Variants in CDH12 observed in about 807,000 individuals in gnomAD.
CDH12 encodes cadherin-12.
CDH12 carries 41 observed loss-of-function variants against 74.1 expected under a neutral mutation model. That is an observed-to-expected ratio of 0.55 (90% CI 0.43 to 0.72). The LOEUF is 0.72. CDH12 is among the 30% of genes least tolerant of loss of function. The pLI is 0.00. For missense variants in CDH12, 945 were observed against 977.2 expected (o/e 0.97, Z 0.44); for synonymous variants, 399 against 355.0 (o/e 1.12, Z -1.39).
chr5:22,230,429 C>T (rs369874204), intron 3 of CDH12, among the ~76,000 whole-genome samples: 2 of 149,590 alleles, frequency 1.3e-5, no homozygotes, highest in East Asian at 3.9e-4. Flanking sequence ...TCAAACGAGT[C>T]TTTGTTTTGT....
intron 6 of CDH12, among the ~76,000 whole-genome samples, chr5:21,952,039 A>C (rs1460359439): frequency 6.6e-6 from 1 of 152,192 alleles, no homozygotes; most frequent in Admixed American, 6.5e-5. Flanking sequence ...TTTCATTATT[A>C]TTATTCTACT....
At chr5:21,934,255 CATGAATAGTTCAGCA>C (rs1754974150) in intron 6 of CDH12, among the ~76,000 whole-genome samples, 1 of 152,160 alleles carries the variant, frequency 6.6e-6, no homozygotes, top group East Asian at 1.9e-4. Flanking sequence ...GCAGAGTTTT[CATGAATAGTTCAGCA>C]CCATCCCCCT....
intron 1 of CDH12, among the ~76,000 whole-genome samples, chr5:22,767,624 T>G (rs570530577): frequency 6.6e-6 from 1 of 152,074 alleles, no homozygotes; most frequent in South Asian, 2.1e-4. Flanking sequence ...ATTTATGGAT[T>G]TTTAATGTAG....
chr5:22,729,345 C>T (rs760508657), intron 1 of CDH12, among the ~76,000 whole-genome samples: 17 of 151,840 alleles, frequency 1.1e-4, no homozygotes, highest in Non-Finnish European at 2.4e-4. Context: ...ATGAATCCCT[C>T]TTCATGCTTC....
chr5:21,782,106 A>G (rs1745949268), intron 11 of CDH12, among the ~76,000 whole-genome samples: 1 of 152,164 alleles, frequency 6.6e-6, no homozygotes, highest in African/African-American at 2.4e-5. Context: ...TAGAAGCTCA[A>G]AGACAGCATC....
intron 2 of CDH12, among the ~76,000 whole-genome samples, chr5:22,494,279 G>A (rs1580705534): frequency 3.3e-5 from 5 of 152,146 alleles, no homozygotes; most frequent in Admixed American, 3.3e-4. Flanking sequence ...CCAAAGCTGT[G>A]CACATTAGGT....
At chr5:22,702,661 G>A (rs1289194518) in intron 1 of CDH12, among the ~76,000 whole-genome samples, 1 of 151,936 alleles carries the variant, frequency 6.6e-6, no homozygotes, top group Non-Finnish European at 1.5e-5. Context: ...GCTCGGTCAT[G>A]TCTTCCCATC....
intron 6 of CDH12, among the ~76,000 whole-genome samples, chr5:21,888,975 T>C (rs528274781): frequency 2.0e-5 from 3 of 152,154 alleles, no homozygotes; most frequent in Non-Finnish European, 4.4e-5. Flanking sequence ...AAATAAGCTG[T>C]CATGTTGCTG....
chr5:22,021,869 GCT>G (rs1738005432), intron 5 of CDH12, among the ~76,000 whole-genome samples: 1 of 152,184 alleles, frequency 6.6e-6, no homozygotes, highest in East Asian at 1.9e-4. Context: ...ACTAAGGCTT[GCT>G]CTGTCACCCA....
chr5:22,806,383 C>A (rs886230420), intron 1 of CDH12, among the ~76,000 whole-genome samples: 2 of 139,574 alleles, frequency 1.4e-5, no homozygotes, highest in African/African-American at 5.4e-5. Flanking sequence ...GATGGAGTCT[C>A]GCTCTGTGGC....
chr5:22,338,104 G>T (rs1739671100), intron 3 of CDH12, among the ~76,000 whole-genome samples: 1 of 152,158 alleles, frequency 6.6e-6, no homozygotes, highest in Non-Finnish European at 1.5e-5. Context: ...GTAACTCAAA[G>T]AGATATCTGT....
intron 6 of CDH12, among the ~76,000 whole-genome samples, chr5:21,865,158 G>C (rs1228044269): frequency 6.6e-6 from 1 of 152,162 alleles, no homozygotes; most frequent in South Asian, 2.1e-4. Flanking sequence ...CTCAGCAGAA[G>C]AAATATCTAA....
intron 1 of CDH12, among the ~76,000 whole-genome samples, chr5:22,686,607 C>T (rs1037008456): frequency 6.6e-6 from 1 of 152,118 alleles, no homozygotes; most frequent in African/African-American, 2.4e-5. Flanking sequence ...CCAGATGTCT[C>T]AGCAACATTT....
At chr5:22,295,993 T>C (rs1357141939) in intron 3 of CDH12, among the ~76,000 whole-genome samples, 1 of 152,048 alleles carries the variant, frequency 6.6e-6, no homozygotes, top group Admixed American at 6.6e-5. Context: ...TAAAATATGA[T>C]AAAACATTTC....
At chr5:22,346,011 C>T (rs944220870) in intron 3 of CDH12, among the ~76,000 whole-genome samples, 1 of 148,132 alleles carries the variant, frequency 6.8e-6, no homozygotes, top group Non-Finnish European at 1.5e-5. Context: ...GAGGCTGAGG[C>T]AAGAGAATCA....
intron 4 of CDH12, among the ~76,000 whole-genome samples, chr5:22,112,109 A>G (rs1472381612): frequency 6.6e-6 from 1 of 151,326 alleles, no homozygotes; most frequent in African/African-American, 2.4e-5. Flanking sequence ...TTTTCTGCTA[A>G]AATGAAAGGA....
chr5:22,163,298 G>C (rs1327387139), intron 4 of CDH12, among the ~76,000 whole-genome samples: 1 of 152,072 alleles, frequency 6.6e-6, no homozygotes, highest in Non-Finnish European at 1.5e-5. Flanking sequence ...TCCTCAATAT[G>C]ATGACCACTT....
intron 6 of CDH12, among the ~76,000 whole-genome samples, chr5:21,947,548 T>C (rs1356761018): frequency 1.3e-5 from 2 of 152,226 alleles, no homozygotes; most frequent in Admixed American, 1.3e-4. Flanking sequence ...TGTGGAACTT[T>C]TAATTTGAGA....
chr5:21,975,898 C>T (rs1336790291), intron 5 of CDH12, among the ~76,000 whole-genome samples: 3 of 151,852 alleles, frequency 2.0e-5, no homozygotes, highest in East Asian at 3.9e-4. Context: ...ATAAACATTG[C>T]AATAAAAATA....
Sources: gnomAD v4.1 joint callset for allele counts (sites outside exome capture counted in the v4.1 genomes callset) on GRCh38, gnomAD v4.1.1 for gene constraint, MANE v1.5 for transcripts, NCBI Gene and HGNC (gene_info 2026-07-23, HGNC 2026-07-21) for gene names.